The following PTPN4 variants were observed in gnomAD, a reference collection of about 807,000 sequenced individuals.
PTPN4 encodes the protein protein tyrosine phosphatase non-receptor type 4.
Under a neutral mutation model 135.5 loss-of-function variants are expected in PTPN4, and 49 were observed. The ratio of observed to expected loss-of-function variants is 0.36; its 90% confidence interval spans 0.29 to 0.46. The LOEUF (loss-of-function observed/expected upper bound fraction) is 0.46. PTPN4 is among the 20% of genes least tolerant of loss of function. PTPN4 has a pLI of 1.00. For missense variants in PTPN4, 860 were observed against 1,101.0 expected, an observed-to-expected ratio of 0.78 and a Z score of 3.10; for synonymous variants, 333 against 369.9, an observed-to-expected ratio of 0.90 and a Z score of 1.14.
intron 2 of PTPN4, among the ~76,000 whole-genome samples, chr2:119,843,234 T>G (rs1007699505): frequency 3.3e-5 from 5 of 149,562 alleles, no homozygotes; most frequent in African/African-American, 1.2e-4. Context: ...TTTTTTTTTT[T>G]TTTTGCACCG....
chr2:119,770,301 T>C (rs987924296), intron 1 of PTPN4, among the ~76,000 whole-genome samples: 1 of 152,214 alleles, frequency 6.6e-6, no homozygotes. Context: ...AAGTCAATGT[T>C]TAATTAATAC....
At chr2:119,946,689 T>C (rs544774064) in intron 18 of PTPN4, 115 bp downstream of exon 18, 7 of 852,714 alleles carry the variant, frequency 8.2e-6, no homozygotes, top group Admixed American at 2.9e-5. Flanking sequence ...ATTTATCAAG[T>C]GTCAAATGTT....
intron 18 of PTPN4, among the ~76,000 whole-genome samples, chr2:119,946,851 A>G (rs1420948267): frequency 6.6e-6 from 1 of 152,124 alleles, no homozygotes; most frequent in African/African-American, 2.4e-5. Context: ...AAAAAACAAA[A>G]TATAGACAGA....
Position 119,900,805 on chromosome 2 carries a change from T to G in PTPN4, c.763T>G (p.Trp255Gly). 1 of 1,523,156 alleles carries G rather than the reference T, an allele frequency of 6.6e-7. No homozygotes were observed. Among genetic ancestry groups the G allele is most frequent in the Non-Finnish European group, 9.0e-7 (1 of 1,116,192 alleles). 94.4% of individuals were successfully genotyped at this position (1,523,156 alleles called of 1,614,324 possible). ...KNRVRMNTFP[W>G]LKIVKISFKC... is the part of the protein sequence containing the mutation. Reference sequence around the variant, plus strand: ...CAGGGTACGAATGAATACCTTTCCATGGTAAGAACATCTATTGATACTTTT... The same window carrying G: ...CAGGGTACGAATGAATACCTTTCCAGGGTAAGAACATCTATTGATACTTTT... The change falls in exon 10 of 27, where the codon TGG (tryptophan) becomes GGG (glycine). Residue 255 changes from tryptophan to glycine, a missense_variant and splice_region_variant. Trp to Gly is a radical substitution (Grantham distance 184, BLOSUM62 -2). This residue lies in a region of PTPN4 where 684 missense variants were observed against 807.0 expected (regional missense o/e 0.85). Coordinates refer to ENST00000263708, the MANE Select transcript of PTPN4 (RefSeq NM_002830.4).
rs767854285 is a variant in PTPN4 at position 119,962,678 on chromosome 2, T to C, written c.2343T>C (p.Val781=). 1.3e-6 allele frequency: 2 copies of C among 1,587,806 alleles called. No individual in the cohort carries two copies. Among genetic ancestry groups the C allele is most frequent in the South Asian group, 1.1e-5 (1 of 88,300 alleles). Reference sequence around the variant, plus strand: ...GTTCATCTTATGGATGCTACCAAGTTACCTGCCACTCTGAAGAAGGAAACA... The same window carrying C: ...GTTCATCTTATGGATGCTACCAAGTCACCTGCCACTCTGAAGAAGGAAACA... ...TGSSSYGCYQ[V]TCHSEEGNTA... is the part of the protein sequence containing the mutation. The change falls in exon 24 of 27, where the codon GTT becomes GTC. Residue 781 remains valine, a synonymous_variant. Transcript: ENST00000263708.
At chr2:119,931,655 GTC>G (rs1574410094) in intron 13 of PTPN4, among the ~76,000 whole-genome samples, 1 of 151,850 alleles carries the variant, frequency 6.6e-6, no homozygotes, top group East Asian at 1.9e-4. Flanking sequence ...GCCCAAGCTG[GTC>G]TTGAATTCCT....
In PTPN4 at chr2:119,860,792, G is replaced by C. The variant is rs186642707; in HGVS notation, c.139-1744G>C. Among the ~76,000 whole-genome samples, 866 of 152,256 alleles carry C rather than the reference G, an allele frequency of 5.7e-3. 4 individuals carry two copies. Among genetic ancestry groups the C allele is most frequent in the Non-Finnish European group, 9.1e-3 (621 of 68,024 alleles). ...GCGGTGGCTCACATCTGTAATCCCAGCACTTTGGGAGGCTGAGGCAGGCAG... is the reference window on the plus strand; with the variant it reads ...GCGGTGGCTCACATCTGTAATCCCACCACTTTGGGAGGCTGAGGCAGGCAG... On this transcript the variant is annotated intron_variant, in intron 2 of 26. Transcript: ENST00000263708.
intron 3 of PTPN4, among the ~76,000 whole-genome samples, chr2:119,867,242 A>G (rs550793166): frequency 1.8e-4 from 27 of 152,316 alleles, no homozygotes; most frequent in African/African-American, 6.5e-4. Flanking sequence ...TGTATTTTAC[A>G]CATATCCCTG....
intron 2 of PTPN4, among the ~76,000 whole-genome samples, chr2:119,850,388 A>G (rs1677573581): frequency 6.6e-6 from 1 of 152,232 alleles, no homozygotes; most frequent in South Asian, 2.1e-4. Flanking sequence ...ATTCTGGACC[A>G]TCTGTGTCTG....
intron 1 of PTPN4, among the ~76,000 whole-genome samples, chr2:119,779,559 G>A (rs1690899396): frequency 6.6e-6 from 1 of 151,148 alleles, no homozygotes; most frequent in Admixed American, 6.6e-5. Context: ...GGAGCTTGCA[G>A]TGAGCCGAGA....
At chr2:119,776,805 A>T (rs896441782) in intron 1 of PTPN4, among the ~76,000 whole-genome samples, 1 of 152,240 alleles carries the variant, frequency 6.6e-6, no homozygotes, top group South Asian at 2.1e-4. Context: ...TAACATACAA[A>T]ATATGTGTTA....
chr2:119,808,131 C>CA (rs1691514389), intron 1 of PTPN4, among the ~76,000 whole-genome samples: 1 of 152,168 alleles, frequency 6.6e-6, no homozygotes, highest in Non-Finnish European at 1.5e-5. Context: ...ACTGAATGGG[C>CA]AAAAGCTGGA....
chr2:119,939,194 A>G (rs1679027808), intron 15 of PTPN4, among the ~76,000 whole-genome samples: 1 of 152,238 alleles, frequency 6.6e-6, no homozygotes, highest in South Asian at 2.1e-4. Context: ...TTGAAGTGTG[A>G]GCATCTGGTT....
chr2:119,862,005 T>C (rs948310841), intron 2 of PTPN4, among the ~76,000 whole-genome samples: 1 of 152,198 alleles, frequency 6.6e-6, no homozygotes, highest in Non-Finnish European at 1.5e-5. Flanking sequence ...CAAAATTATA[T>C]TTTAAGTAAT....
intron 15 of PTPN4, among the ~76,000 whole-genome samples, chr2:119,941,038 C>T (rs1043589421): frequency 1.3e-5 from 2 of 152,170 alleles, no homozygotes; most frequent in African/African-American, 2.4e-5. Flanking sequence ...CTGTGTTTCA[C>T]TATGCTGCCT....
At chr2:119,964,169 A>G (rs1679412194) in intron 24 of PTPN4, among the ~76,000 whole-genome samples, 2 of 152,226 alleles carry the variant, frequency 1.3e-5, no homozygotes, top group Non-Finnish European at 1.5e-5. Context: ...GCAACCATTT[A>G]TTGAGTATAT....
chr2:119,766,426 A>G (rs1275584456), intron 1 of PTPN4, among the ~76,000 whole-genome samples: 1 of 131,616 alleles, frequency 7.6e-6, no homozygotes, highest in African/African-American at 3.0e-5. Context: ...CCCCCATTTC[A>G]CTGGTGTATG....
intron 2 of PTPN4, among the ~76,000 whole-genome samples, chr2:119,858,109 C>T (rs1263819902): frequency 1.3e-5 from 2 of 152,150 alleles, no homozygotes; most frequent in African/African-American, 2.4e-5. Context: ...GTAAGCTTCC[C>T]GAGGCCCTCA....
intron 1 of PTPN4, among the ~76,000 whole-genome samples, chr2:119,802,516 GAT>G (rs1691395773): frequency 6.6e-6 from 1 of 152,162 alleles, no homozygotes; most frequent in African/African-American, 2.4e-5. Context: ...GGATTATATT[GAT>G]TGATTGTTAA....
Sources: allele counts gnomAD v4.1 joint callset (sites outside exome capture counted in the v4.1 genomes callset), GRCh38; gene constraint gnomAD v4.1.1; regional missense constraint gnomAD v4.1.1; transcripts MANE v1.5; gene names NCBI Gene and HGNC (gene_info 2026-07-23, HGNC 2026-07-21).